Variants in IPO5 observed in about 807,000 individuals in gnomAD.
IPO5 encodes importin-5.
Under a neutral mutation model 143.3 loss-of-function variants are expected in IPO5, and 18 were observed. That is an observed-to-expected ratio of 0.13 (90% CI 0.09 to 0.19). The LOEUF is 0.19. IPO5 is among the 10% of genes least tolerant of loss of function. IPO5 has a pLI of 1.00. For missense variants in IPO5, 1,013 were observed against 1,336.9 expected, an observed-to-expected ratio of 0.76 and a Z score of 3.78; for synonymous variants, 477 against 465.7, an observed-to-expected ratio of 1.02 and a Z score of -0.31.
At position 98,018,672 on chromosome 13, in the gene IPO5, A is replaced by G. The variant is rs752685285; in HGVS notation, c.2804A>G (p.Tyr935Cys). 5.6e-6 allele frequency: 9 copies of G among 1,614,206 alleles called. No homozygotes were observed. The highest frequency in any genetic ancestry group is 4.4e-5 in the South Asian group (4 of 91,074). ...TATGGCCTGGGAGTCATGGCACAGT[A>G]CGGTGGAGATAATTATCGCCCTTTT... ...AAYGLGVMAQ[Y>C]GGDNYRPFCT... Residue 935 changes from tyrosine to cysteine, a missense_variant, in exon 26 of 29, where the codon TAC (tyrosine) becomes TGC (cysteine). Around this residue, in one of 2 missense-constraint regions of IPO5, gnomAD observed 685 missense variants for 994.9 expected, o/e 0.69. Transcript: ENST00000651721.
At chr13:97,983,344 A>G (rs923172936) in intron 5 of IPO5, among the ~76,000 whole-genome samples, 3 of 152,176 alleles carry the variant, frequency 2.0e-5, no homozygotes, top group Non-Finnish European at 2.9e-5. Flanking sequence ...TGTACTAAAG[A>G]TATACTTAGG....
intron 3 of IPO5, among the ~76,000 whole-genome samples, chr13:97,974,665 A>G (rs1391110220): frequency 2.7e-5 from 4 of 146,144 alleles, no homozygotes; most frequent in Non-Finnish European, 5.9e-5. Flanking sequence ...CTCAGAATCC[A>G]GATACCCCAA....
rs1890627291 is a variant in IPO5 at position 98,023,835 on chromosome 13, G to A, written c.*2013G>A. The A allele has an allele frequency of 1.3e-5, 2 of 152,194 alleles. No homozygotes were observed. The highest frequency in any genetic ancestry group is 2.4e-5 in the African/African-American group (1 of 41,436). The allele number at this position is 152,194 out of a possible 1,614,324, so 9.4% of individuals were successfully genotyped here. Reference sequence around the variant, plus strand: ...GGAAGGTTGGTAGTAAATGCTGTTAGTGTGACATGATTCTGAAACCCAGAG... The same window carrying A: ...GGAAGGTTGGTAGTAAATGCTGTTAATGTGACATGATTCTGAAACCCAGAG... On this transcript the variant is annotated 3_prime_UTR_variant, in exon 29 of 29. Coordinates refer to ENST00000651721, the MANE Select transcript of IPO5 (RefSeq NM_002271.6).
chr13:97,964,025 CCTA>C (rs776920398), intron 2 of IPO5, among the ~76,000 whole-genome samples: 2 of 152,052 alleles, frequency 1.3e-5, no homozygotes, highest in African/African-American at 2.4e-5. Context: ...ATATCTTTTG[CCTA>C]CTTTTTGATG....
At chr13:97,961,210 GT>G (rs1366288350) in intron 2 of IPO5, among the ~76,000 whole-genome samples, 1 of 152,168 alleles carries the variant, frequency 6.6e-6, no homozygotes, top group Non-Finnish European at 1.5e-5. Flanking sequence ...AAGACATTTT[GT>G]TTATCCATTC....
intron 3 of IPO5, among the ~76,000 whole-genome samples, chr13:97,973,442 G>A (rs1256043923): frequency 1.3e-5 from 2 of 152,166 alleles, no homozygotes; most frequent in East Asian, 1.9e-4. Flanking sequence ...CCAGAAGGCT[G>A]AGCATTATAA....
At chr13:97,965,900 G>T (rs1885290479) in intron 2 of IPO5, among the ~76,000 whole-genome samples, 1 of 151,848 alleles carries the variant, frequency 6.6e-6, no homozygotes, top group South Asian at 2.1e-4. Flanking sequence ...GCACTTTGGG[G>T]CGGCCGAGGC....
At chr13:97,986,358 A>G (rs768426199) in intron 6 of IPO5, among the ~76,000 whole-genome samples, 2 of 148,414 alleles carry the variant, frequency 1.3e-5, no homozygotes, top group African/African-American at 2.5e-5. Context: ...ATGTATATAT[A>G]TATTTTTTTT....
intron 2 of IPO5, among the ~76,000 whole-genome samples, chr13:97,958,984 C>T (rs915258730): frequency 6.6e-6 from 1 of 151,924 alleles, no homozygotes; most frequent in Non-Finnish European, 1.5e-5. Context: ...CCAGCCTGGC[C>T]AACATGGTGA....
intron 3 of IPO5, among the ~76,000 whole-genome samples, chr13:97,976,161 C>T (rs537510487): frequency 6.6e-6 from 1 of 151,904 alleles, no homozygotes; most frequent in African/African-American, 2.4e-5. Flanking sequence ...CGAAATCTCC[C>T]GCGCTCAGCA....
At chr13:97,977,617 T>A (rs977344607) in intron 4 of IPO5, among the ~76,000 whole-genome samples, 2 of 152,214 alleles carry the variant, frequency 1.3e-5, no homozygotes, top group East Asian at 1.9e-4. Flanking sequence ...AACCACCTCT[T>A]GTTCCTGGCC....
At chr13:97,997,121 C>T (rs1027166223) in intron 11 of IPO5, among the ~76,000 whole-genome samples, 1 of 151,710 alleles carries the variant, frequency 6.6e-6, no homozygotes, top group Non-Finnish European at 1.5e-5. Context: ...AGCAAATTGC[C>T]GAGGTACATA....
intron 11 of IPO5, among the ~76,000 whole-genome samples, chr13:97,995,900 G>C (rs887214499): frequency 5.3e-5 from 8 of 152,162 alleles, no homozygotes; most frequent in African/African-American, 1.9e-4. Context: ...AATTTTCTAA[G>C]ACTGAATCAC....
intron 18 of IPO5, among the ~76,000 whole-genome samples, chr13:98,008,643 C>G (rs1889459128): frequency 2.0e-5 from 3 of 152,128 alleles, no homozygotes; most frequent in African/African-American, 4.8e-5. Flanking sequence ...TTAGGAGGAA[C>G]CCCTGCCTCT....
chr13:98,021,668 T>C, intron 28 of IPO5, 68 bp from the exon 29 acceptor site: 2 of 890,096 alleles, frequency 2.2e-6, no homozygotes, highest in Non-Finnish European at 3.4e-6. Flanking sequence ...AGTTTACCTA[T>C]GATGATGATT....
At chr13:97,995,538 G>A (rs1257672160) in intron 11 of IPO5, among the ~76,000 whole-genome samples, 4 of 151,976 alleles carry the variant, frequency 2.6e-5, no homozygotes, top group Non-Finnish European at 5.9e-5. Context: ...GGTGGATCAC[G>A]AGGTCAGGAG....
At chr13:97,986,655 T>A (rs1566497252) in intron 6 of IPO5, among the ~76,000 whole-genome samples, 1 of 152,200 alleles carries the variant, frequency 6.6e-6, no homozygotes, top group Non-Finnish European at 1.5e-5. Context: ...TGGCCTACTA[T>A]GTACATTTTT....
In IPO5 at chr13:98,008,041, C is replaced by T. The variant is rs201279072; in HGVS notation, c.1717-18C>T. The T allele has an allele frequency of 6.5e-7, 1 of 1,538,054 alleles. No individual in the cohort carries two copies. The highest frequency in any genetic ancestry group is 1.7e-5 in the Admixed American group (1 of 58,092). The stretch of plus-strand genomic sequence containing the variant: ...AAATTCGGTATCAACAAGTGTGTCT[C>T]TACATATTTTCCTCTAGTTCATGCA... On this transcript the variant is annotated intron_variant, in intron 17 of 28. Transcript: ENST00000651721.
chr13:98,014,264 T>C (rs905828325), intron 22 of IPO5, 50 bp downstream of exon 22: 4 of 1,387,872 alleles, frequency 2.9e-6, no homozygotes, highest in African/African-American at 1.5e-5. Context: ...TGTTCATTTA[T>C]TAGTCTTGCT....
Sources: allele counts gnomAD v4.1 joint callset (sites outside exome capture counted in the v4.1 genomes callset), GRCh38; gene constraint gnomAD v4.1.1; regional missense constraint gnomAD v4.1.1; transcripts MANE v1.5; gene names NCBI Gene and HGNC (gene_info 2026-07-23, HGNC 2026-07-21).